ACOT12: variants seen among roughly 807,000 people sequenced by gnomAD.
ACOT12 encodes acetyl-coenzyme A thioesterase.
A neutral mutation model predicts 67.7 loss-of-function variants in ACOT12; 51 were observed. The observed-to-expected ratio is 0.75, with a 90% CI of 0.60 to 0.95. ACOT12 has a LOEUF of 0.95. ACOT12 is among the 40% of genes least tolerant of loss of function. The probability of loss-of-function intolerance (pLI) is 0.00; values close to 1 mark genes in which losing one functional copy is unlikely to be tolerated. For missense variants in ACOT12, 734 were observed against 708.1 expected, an observed-to-expected ratio of 1.04 and a Z score of -0.41; for synonymous variants, 251 against 244.6, an observed-to-expected ratio of 1.03 and a Z score of -0.24.
At chr5:81,325,671 AGGTATATAATTTTTATAG>A (rs1267564944), downstream of ACOT12, among the ~76,000 whole-genome samples, 1 of 152,190 alleles carries the variant, frequency 6.6e-6, no homozygotes, top group Non-Finnish European at 1.5e-5. Flanking sequence ...AGGTGGTATC[AGGTATATAATTTTTATAG>A]GGTGCTTCAT....
At chr5:81,390,595 C>T (rs1275416692) in intron 1 of ACOT12, among the ~76,000 whole-genome samples, 1 of 151,128 alleles carries the variant, frequency 6.6e-6, no homozygotes, top group Non-Finnish European at 1.5e-5. Flanking sequence ...TCTCCACCTC[C>T]CAGATTCAAG....
intron 1 of ACOT12, among the ~76,000 whole-genome samples, chr5:81,391,590 A>G (rs1760866342): frequency 6.6e-6 from 1 of 152,352 alleles, no homozygotes; most frequent in South Asian, 2.1e-4. Context: ...TTGGTGAAGA[A>G]AAGAAAGGGA....
rs185324439 is a variant in ACOT12, at chr5:81,357,971, A to C, written c.496+1932T>G. Among the ~76,000 whole-genome samples, 404 of 146,208 alleles carry C rather than the reference A, an allele frequency of 2.8e-3. 2 individuals carry two copies. Among genetic ancestry groups the C allele is most frequent in the African/African-American group, 9.8e-3 (386 of 39,204 alleles). ...CAGTGAGCTGAGATTGCGCCACTGC[A>C]CTCCAGCCTGGGTGACAGAGTGAGA... On this transcript the variant is annotated intron_variant, in intron 5 of 14. Transcript: ENST00000307624.
intron 1 of ACOT12, among the ~76,000 whole-genome samples, chr5:81,390,199 C>T (rs13185752): frequency 0.16 from 23,785 of 151,010 alleles, 2,700 homozygotes; most frequent in Admixed American, 0.23. Context: ...TGGGCTCAAA[C>T]CATCCTCCTA....
At chr5:81,311,146 C>A in the ACOT12 span, 1 of 1,550,608 alleles carries the variant, frequency 6.4e-7, no homozygotes, top group Non-Finnish European at 8.9e-7. Flanking sequence ...TGTGAAAGTG[C>A]TTTGAGATGT....
At chr5:81,384,561 A>T (rs1760677046) in intron 2 of ACOT12, among the ~76,000 whole-genome samples, 1 of 152,204 alleles carries the variant, frequency 6.6e-6, no homozygotes. Flanking sequence ...GTACAGTAAC[A>T]GGCTGCACAA....
chr5:81,375,465 T>C (rs1001083322), intron 2 of ACOT12, among the ~76,000 whole-genome samples: 2 of 152,184 alleles, frequency 1.3e-5, no homozygotes, highest in Non-Finnish European at 2.9e-5. Flanking sequence ...AGTATCATAA[T>C]GACAGGATCA....
At chr5:81,311,233 C>G in the ACOT12 span, 1 of 1,614,024 alleles carries the variant, frequency 6.2e-7, no homozygotes, top group Non-Finnish European at 8.5e-7. Context: ...AACTTTGTGG[C>G]TCTGTGGAAC....
chr5:81,361,077 CAAAAAAAAAAAA>C (rs71000820), intron 4 of ACOT12, among the ~76,000 whole-genome samples: 1 of 52,636 alleles, frequency 1.9e-5, no homozygotes, highest in Non-Finnish European at 3.4e-5. Flanking sequence ...GACTCCATCT[CAAAAAAAAAAAA>C]AAAAAAAAAA....
intron 5 of ACOT12, among the ~76,000 whole-genome samples, chr5:81,353,255 G>A (rs7734127): frequency 0.056 from 8,508 of 152,248 alleles, 794 homozygotes; most frequent in African/African-American, 0.19. Context: ...TGACTTTGGT[G>A]CAGAAGTTTG....
chr5:81,318,500 CTTGT>C, the ACOT12 span, among the ~76,000 whole-genome samples: 3 of 151,992 alleles, frequency 2.0e-5, no homozygotes, highest in South Asian at 2.1e-4. Context: ...TTTATTTTCT[CTTGT>C]TTATTTTCTC....
chr5:81,331,044 C>T, intron 13 of ACOT12, 104 bp from the exon 14 acceptor site: 1 of 1,281,752 alleles, frequency 7.8e-7, no homozygotes, highest in Non-Finnish European at 1.0e-6. Flanking sequence ...AGAAGTGAAA[C>T]TATGAAGGCC....
At chr5:81,315,687 C>T in the ACOT12 span, among the ~76,000 whole-genome samples, 1 of 152,094 alleles carries the variant, frequency 6.6e-6, no homozygotes, top group African/African-American at 2.4e-5. Flanking sequence ...CTGAATGACA[C>T]AAAGGAACCA....
chr5:81,346,654 G>C (rs1759390207), intron 6 of ACOT12, among the ~76,000 whole-genome samples: 1 of 152,184 alleles, frequency 6.6e-6, no homozygotes, highest in South Asian at 2.1e-4. Context: ...CAAGCGAACA[G>C]ATGCTGCCAT....
intron 11 of ACOT12, among the ~76,000 whole-genome samples, chr5:81,336,395 C>G (rs1204328180): frequency 6.6e-6 from 1 of 152,116 alleles, no homozygotes; most frequent in African/African-American, 2.4e-5. Context: ...CTTCTAGAAC[C>G]ATCTCAGCCT....
chr5:81,321,314 A>G, the ACOT12 span, among the ~76,000 whole-genome samples: 11 of 152,196 alleles, frequency 7.2e-5, no homozygotes, highest in African/African-American at 2.7e-4. Flanking sequence ...GTGTCCTCAT[A>G]TGGTAGAAAG....
chr5:81,391,404 A>G (rs1333701268), intron 1 of ACOT12, among the ~76,000 whole-genome samples: 2 of 152,248 alleles, frequency 1.3e-5, no homozygotes, highest in African/African-American at 4.8e-5. Context: ...GAAAAAGCCA[A>G]CACCACTTTG....
intron 1 of ACOT12, among the ~76,000 whole-genome samples, chr5:81,387,195 T>TG (rs1760752331): frequency 6.6e-6 from 1 of 151,618 alleles, no homozygotes; most frequent in Non-Finnish European, 1.5e-5. Flanking sequence ...TTAGTAGAGA[T>TG]GGGGTTTCAC....
At position 81,343,886 on chromosome 5, in the gene ACOT12, A is replaced by G. The variant is rs753472702; in HGVS notation, c.981-5T>C. ...TTGTGGGAAATAACATATTTTCTGG[A>G]AAAAAAAATTAAAGTGTTAAATGAC... On this transcript the variant is annotated splice_region_variant and splice_polypyrimidine_tract_variant and intron_variant, in intron 9 of 14. Coordinates refer to ENST00000307624, the MANE Select transcript of ACOT12 (RefSeq NM_130767.3). 4 of 1,599,850 alleles carry G rather than the reference A, an allele frequency of 2.5e-6. No homozygotes were observed. The highest frequency in any genetic ancestry group is 2.2e-5 in the East Asian group (1 of 44,632).
Sources: allele counts gnomAD v4.1 joint callset (sites outside exome capture counted in the v4.1 genomes callset), GRCh38; gene constraint gnomAD v4.1.1; transcripts MANE v1.5; gene names NCBI Gene and HGNC (gene_info 2026-07-23, HGNC 2026-07-21).